RNF11: variants seen among roughly 807,000 people sequenced by gnomAD.
RNF11 encodes ring finger protein 11.
A neutral mutation model predicts 15.8 loss-of-function variants in RNF11; 4 were observed. The ratio of observed to expected loss-of-function variants is 0.25; its 90% CI spans 0.12 to 0.58. The LOEUF is 0.58. Ranked by LOEUF, RNF11 falls within the 20% of genes least tolerant of loss-of-function variation. RNF11 has a pLI of 0.91. For missense variants in RNF11, 139 were observed against 194.4 expected (o/e 0.71, Z 1.70); for synonymous variants, 68 against 72.3 (o/e 0.94, Z 0.30).
At chr1:51,243,697 C>G (rs112378507) in intron 1 of RNF11, among the ~76,000 whole-genome samples, 1 of 152,156 alleles carries the variant, frequency 6.6e-6, no homozygotes, top group Non-Finnish European at 1.5e-5. Context: ...CCTTGGCCTC[C>G]GTAAGAGCTG....
At position 51,251,336 on chromosome 1, in the gene RNF11, G is replaced by GCGGCCT. The variant is rs1289838763; in HGVS notation, c.123+14463_123+14468dup. 7.7e-5 allele frequency: 117 copies of GCGGCCT among 1,515,254 alleles called. No individual in the cohort carries two copies. In the African/African-American group the frequency reaches 1.3e-3, roughly 17 times the overall value. 93.9% of individuals were successfully genotyped at this position (1,515,254 alleles called of 1,614,324 possible). On this transcript the variant is annotated intron_variant, in intron 1 of 2. Coordinates refer to ENST00000242719, the MANE Select transcript of RNF11 (RefSeq NM_014372.5). ...CCTCGGCCTTGCCTCCGCGAGCTCC[G>GCGGCCT]CGGCCTCGGCCCCGGCCCCGTCTAC...
At chr1:51,255,339 C>T (rs1646899648) in intron 1 of RNF11, among the ~76,000 whole-genome samples, 1 of 152,172 alleles carries the variant, frequency 6.6e-6, no homozygotes, top group Non-Finnish European at 1.5e-5. Context: ...TAGCTCATTG[C>T]AGCCTCAAAC....
chr1:51,238,758 C>T (rs541532662), intron 1 of RNF11, among the ~76,000 whole-genome samples: 1 of 151,890 alleles, frequency 6.6e-6, no homozygotes, highest in Admixed American at 6.6e-5. Flanking sequence ...GATGGAGTCT[C>T]GCTCTGTCAC....
At chr1:51,257,738 G>A (rs1443723930) in intron 1 of RNF11, among the ~76,000 whole-genome samples, 5 of 151,568 alleles carry the variant, frequency 3.3e-5, no homozygotes, top group South Asian at 2.1e-4. Flanking sequence ...GATTACAGGC[G>A]TGAGCTACTG....
chr1:51,246,419 T>TA (rs1273314482), intron 1 of RNF11, among the ~76,000 whole-genome samples: 1 of 151,494 alleles, frequency 6.6e-6, no homozygotes, highest in African/African-American at 2.4e-5. Flanking sequence ...TACAAAAAAA[T>TA]AAAAAATTAG....
intron 1 of RNF11, among the ~76,000 whole-genome samples, chr1:51,252,081 C>CAAAAAAAAAAAAAAAAAAAAAAAA (rs928146865): frequency 1.9e-5 from 1 of 53,648 alleles, no homozygotes; most frequent in Admixed American, 2.2e-4. Flanking sequence ...CATCTCAAAG[C>CAAAAAAAAAAAAAAAAAAAAAAAA]AAAAAAAAAA....
intron 1 of RNF11, among the ~76,000 whole-genome samples, chr1:51,254,800 A>G (rs978960338): frequency 1.3e-5 from 2 of 152,126 alleles, no homozygotes; most frequent in African/African-American, 4.8e-5. Flanking sequence ...GTTTCGCCAC[A>G]TTGGCCAGGC....
At chr1:51,267,357 C>T (rs72904225) in intron 1 of RNF11, among the ~76,000 whole-genome samples, 3,208 of 152,194 alleles carry the variant, frequency 0.021, 94 homozygotes, top group African/African-American at 0.065. Flanking sequence ...CAAAACAGTC[C>T]CCAGGTTTGG....
intron 1 of RNF11, among the ~76,000 whole-genome samples, chr1:51,238,029 C>T (rs1219774949): frequency 2.0e-5 from 3 of 151,858 alleles, no homozygotes; most frequent in Admixed American, 6.6e-5. Context: ...CAGTAAGGTC[C>T]AGTCTTGATT....
At chr1:51,254,947 A>T (rs1010844524) in intron 1 of RNF11, among the ~76,000 whole-genome samples, 2 of 152,194 alleles carry the variant, frequency 1.3e-5, no homozygotes, top group African/African-American at 4.8e-5. Flanking sequence ...GGAGAAAAAA[A>T]CATAGCTCCA....
In RNF11 at chr1:51,264,317, TACACACACACAC is replaced by T. The variant is rs376270848; in HGVS notation, c.124-5627_124-5616del. ...ATATATATATATATATATATATATA[TACACACACACAC>T]ACACACACACATTTATCAGGAAGAT... On this transcript the variant is annotated intron_variant, in intron 1 of 2. Coordinates refer to ENST00000242719, the MANE Select transcript of RNF11 (RefSeq NM_014372.5). Among the ~76,000 whole-genome samples the T allele has an allele frequency of 2.9e-3, 222 of 75,494 alleles. 2 individuals are homozygous for T. The highest frequency in any genetic ancestry group is 4.1e-3 in the Non-Finnish European group (169 of 41,542). The allele number at this position is 75,494 out of a possible 152,430, so 49.5% of individuals were successfully genotyped here.
At chr1:51,269,355 CA>C (rs1388769216) in intron 1 of RNF11, among the ~76,000 whole-genome samples, 2 of 152,138 alleles carry the variant, frequency 1.3e-5, no homozygotes, top group African/African-American at 4.8e-5. Context: ...TGCTTGAGCC[CA>C]GGGGGTTGAG....
At chr1:51,260,213 C>A (rs1646924225) in intron 1 of RNF11, among the ~76,000 whole-genome samples, 1 of 152,126 alleles carries the variant, frequency 6.6e-6, no homozygotes, top group Non-Finnish European at 1.5e-5. Flanking sequence ...TTTATTTTGG[C>A]TTCCAGTTCA....
intron 1 of RNF11, chr1:51,265,043 C>G (rs529024782): frequency 1.3e-5 from 2 of 152,336 alleles, no homozygotes; most frequent in South Asian, 4.1e-4. Flanking sequence ...TGGCCGGGTG[C>G]AGTGGCTCAC....
intron 1 of RNF11, among the ~76,000 whole-genome samples, chr1:51,264,295 T>A (rs868147042): frequency 8.5e-5 from 7 of 82,818 alleles, no homozygotes; most frequent in Admixed American, 1.5e-4. Flanking sequence ...AAAATATATA[T>A]ATATATATAT....
chr1:51,246,225 G>C (rs1047646899), intron 1 of RNF11, among the ~76,000 whole-genome samples: 9 of 152,052 alleles, frequency 5.9e-5, no homozygotes, highest in African/African-American at 1.9e-4. Flanking sequence ...AGGTTGCGCT[G>C]TTGCACTCTA....
At chr1:51,261,449 G>C (rs115954178) in intron 1 of RNF11, among the ~76,000 whole-genome samples, 211 of 152,326 alleles carry the variant, frequency 1.4e-3, no homozygotes, top group Non-Finnish European at 2.3e-3. Flanking sequence ...CTGAGTCACA[G>C]AGTTCTGATA....
intron 1 of RNF11, among the ~76,000 whole-genome samples, chr1:51,267,685 A>G (rs1646961206): frequency 6.6e-6 from 1 of 152,202 alleles, no homozygotes; most frequent in Non-Finnish European, 1.5e-5. Context: ...AACATAAACC[A>G]TATAGTGTTC....
intron 1 of RNF11, among the ~76,000 whole-genome samples, chr1:51,262,620 T>C (rs1569678774): frequency 6.6e-6 from 1 of 152,108 alleles, no homozygotes; most frequent in Non-Finnish European, 1.5e-5. Flanking sequence ...CAATCTTGGC[T>C]TATTGCAATG....
Sources: gnomAD v4.1 joint callset for allele counts (sites outside exome capture counted in the v4.1 genomes callset) on GRCh38, gnomAD v4.1.1 for gene constraint, MANE v1.5 for transcripts, NCBI Gene and HGNC (gene_info 2026-07-23, HGNC 2026-07-21) for gene names.